ABCD2: variants seen among roughly 807,000 people sequenced by gnomAD.
ABCD2 encodes the protein ATP-binding cassette sub-family D member 2.
In ABCD2, 36 loss-of-function variants were observed where a neutral mutation model predicts 70.9. The observed-to-expected ratio is 0.51, with a 90% CI of 0.39 to 0.67. The LOEUF (loss-of-function observed/expected upper bound fraction) is 0.67. Ranked by LOEUF, ABCD2 falls within the 30% of genes least tolerant of loss-of-function variation. The pLI is 0.00. For missense variants in ABCD2, 729 were observed against 890.2 expected (o/e 0.82, Z 2.30); for synonymous variants, 304 against 306.9 (o/e 0.99, Z 0.10).
At position 39,619,321 on chromosome 12, in the gene ABCD2, G is replaced by A. The variant is rs1393194038; in HGVS notation, c.295C>T (p.Leu99Phe). 1.2e-6 allele frequency: 2 copies of A among 1,614,110 alleles called. No individual in the cohort carries two copies. Among genetic ancestry groups the A allele is most frequent in the Admixed American group, 1.7e-5 (1 of 60,022 alleles). ...AGCCACCCTGTTTCAGTGGTCACAA[G>A]TTTTGGAAACAAAATTTTCCGAAGT... ...LELRKILFPKLVTTETGWLCL... is the reference protein window; with the variant it reads ...LELRKILFPKFVTTETGWLCL... Residue 99 changes from leucine to phenylalanine, a missense_variant, in exon 1 of 10, where the codon CTT (leucine) becomes TTT (phenylalanine). Physicochemically the swap from Leu to Phe is conservative, Grantham distance 22. Around this residue, in one of 3 missense-constraint regions of ABCD2, gnomAD observed 245 missense variants for 261.2 expected, o/e 0.94. Coordinates refer to ENST00000308666, the MANE Select transcript of ABCD2 (RefSeq NM_005164.4).
Position 39,619,563 on chromosome 12 carries a change from C to A in ABCD2, c.53G>T (p.Ser18Ile). The A allele has an allele frequency of 6.2e-7, 1 of 1,611,186 alleles. No individual in the cohort carries two copies. The highest frequency in any genetic ancestry group is 8.5e-7 in the Non-Finnish European group (1 of 1,179,992). Residue 18 changes from serine (S) to isoleucine (I), a missense_variant, in exon 1 of 10, where the codon AGT becomes ATT. Ser to Ile is a moderately radical substitution (Grantham distance 142, BLOSUM62 -2). Around this residue, in one of 3 missense-constraint regions of ABCD2, gnomAD observed 245 missense variants for 261.2 expected, o/e 0.94. Coordinates refer to ENST00000308666, the MANE Select transcript of ABCD2 (RefSeq NM_005164.4). ...CAGGCAGGCAGCCCTCTTAGCAGCA[C>A]TCGATCTGGTCCATTTCACTCGATC... ...AADRVKWTRS[S>I]AAKRAACLVA...
chr12:39,598,224 T>C (rs1941846099), intron 6 of ABCD2, among the ~76,000 whole-genome samples: 1 of 152,194 alleles, frequency 6.6e-6, no homozygotes, highest in Admixed American at 6.5e-5. Context: ...AGATTCATCC[T>C]CTACCCAGAA....
intron 9 of ABCD2, among the ~76,000 whole-genome samples, chr12:39,564,763 G>A (rs1439177684): frequency 6.6e-6 from 1 of 152,118 alleles, no homozygotes; most frequent in Non-Finnish European, 1.5e-5. Flanking sequence ...ATGGTTTTAG[G>A]TCTAACATTT....
chr12:39,565,840 G>T (rs138266471), intron 9 of ABCD2, among the ~76,000 whole-genome samples: 142 of 152,208 alleles, frequency 9.3e-4, no homozygotes, highest in African/African-American at 3.3e-3. Flanking sequence ...TAGCATGAAG[G>T]GTTGTTGAAT....
rs1941604780 is a variant in ABCD2 at position 39,582,162 on chromosome 12, T to G, written c.1793-2543A>C. On this transcript the variant is annotated intron_variant, in intron 7 of 9. Transcript: ENST00000308666. ...GCAAGTAAAACAGGTTTCCCTGAAG[T>G]TTTTTTTTATGTGCAAGGATATAAT... Among the ~76,000 whole-genome samples the G allele has an allele frequency of 2.6e-5, 4 of 151,298 alleles. No homozygotes were observed. The South Asian group carries it at 8.4e-4, about 32-fold the overall frequency.
chr12:39,567,991 A>T (rs1941383120), intron 9 of ABCD2, among the ~76,000 whole-genome samples: 1 of 151,776 alleles, frequency 6.6e-6, no homozygotes, highest in South Asian at 2.1e-4. Flanking sequence ...CTGCTGATAG[A>T]TCAGCTGTTA....
At chr12:39,596,368 T>TA (rs1941814658) in intron 6 of ABCD2, among the ~76,000 whole-genome samples, 1 of 152,178 alleles carries the variant, frequency 6.6e-6, no homozygotes, top group Non-Finnish European at 1.5e-5. Context: ...AACTAAATGA[T>TA]ACATAAACAT....
intron 3 of ABCD2, among the ~76,000 whole-genome samples, chr12:39,607,195 AC>A: frequency 6.6e-6 from 1 of 152,262 alleles, no homozygotes; most frequent in East Asian, 1.9e-4. Flanking sequence ...ACTCACAACA[AC>A]CCCACAAGTC....
intron 2 of ABCD2, among the ~76,000 whole-genome samples, chr12:39,609,779 A>T (rs1007660331): frequency 2.6e-5 from 4 of 152,220 alleles, no homozygotes; most frequent in Non-Finnish European, 5.9e-5. Context: ...TTTTTTGCAC[A>T]TAGACAGCTC....
chr12:39,559,039 G>A (rs918011375), intron 9 of ABCD2, among the ~76,000 whole-genome samples: 7 of 152,084 alleles, frequency 4.6e-5, no homozygotes, highest in African/African-American at 1.7e-4. Context: ...GAATGAAAAG[G>A]AATGAAGAAA....
chr12:39,611,959 G>A (rs1942050438), intron 2 of ABCD2, among the ~76,000 whole-genome samples: 1 of 151,990 alleles, frequency 6.6e-6, no homozygotes, highest in Admixed American at 6.6e-5. Context: ...TCATAACAAA[G>A]GCTATCCAAA....
intron 9 of ABCD2, among the ~76,000 whole-genome samples, chr12:39,560,039 C>A (rs1230945877): frequency 6.6e-6 from 1 of 152,014 alleles, no homozygotes; most frequent in Non-Finnish European, 1.5e-5. Context: ...ACTTTAAGTT[C>A]TAGGGTACAT....
intron 9 of ABCD2, among the ~76,000 whole-genome samples, chr12:39,569,478 C>T (rs971721491): frequency 1.1e-4 from 16 of 152,176 alleles, no homozygotes; most frequent in African/African-American, 1.7e-4. Context: ...GTTGGAAAAG[C>T]GCAGTATTAG....
chr12:39,595,079 GAAAA>G (rs1941798512), intron 6 of ABCD2, among the ~76,000 whole-genome samples: 1 of 151,890 alleles, frequency 6.6e-6, no homozygotes, highest in Non-Finnish European at 1.5e-5. Flanking sequence ...AAAAGAAAAA[GAAAA>G]AAGAAGATAG....
intron 5 of ABCD2, among the ~76,000 whole-genome samples, chr12:39,603,250 C>T (rs1349131590): frequency 6.6e-6 from 1 of 152,048 alleles, no homozygotes; most frequent in East Asian, 1.9e-4. Context: ...GCTCAACTTG[C>T]TATATTATGT....
At chr12:39,533,977 T>C in the ABCD2 span, among the ~76,000 whole-genome samples, 1 of 152,240 alleles carries the variant, frequency 6.6e-6, no homozygotes, top group African/African-American at 2.4e-5. Flanking sequence ...TGCATGTGAA[T>C]AGTGTGCTTT....
At chr12:39,584,248 G>A (rs1318423130) in intron 7 of ABCD2, among the ~76,000 whole-genome samples, 1 of 152,036 alleles carries the variant, frequency 6.6e-6, no homozygotes, top group East Asian at 1.9e-4. Flanking sequence ...TGGTTTTGAT[G>A]TGCATTTCTC....
chr12:39,575,419 A>G (rs921048956), intron 8 of ABCD2, among the ~76,000 whole-genome samples: 1 of 152,188 alleles, frequency 6.6e-6, no homozygotes, highest in East Asian at 1.9e-4. Context: ...CGATACTGAT[A>G]TAAGAAAAAA....
chr12:39,550,429 C>T lies in ABCD2; in HGVS notation c.*3483G>A, dbSNP rs1172440459. 6.6e-6 allele frequency: 1 copy of T among 151,602 alleles called. No homozygotes were observed. The highest frequency in any genetic ancestry group is 2.4e-5 in the African/African-American group (1 of 41,394). The allele number at this position is 151,602 out of a possible 1,614,324, so 9.4% of individuals were successfully genotyped here. ...TCATTTAGCTACATAATGATTTTTA[C>T]CTTTAAGGACATTTTTCTCATTCAT... On this transcript the variant is annotated 3_prime_UTR_variant, in exon 10 of 10. Coordinates refer to ENST00000308666, the MANE Select transcript of ABCD2 (RefSeq NM_005164.4).
Sources: gnomAD v4.1 joint callset for allele counts (sites outside exome capture counted in the v4.1 genomes callset) on GRCh38, gnomAD v4.1.1 for gene constraint, gnomAD v4.1.1 regional missense constraint, MANE v1.5 for transcripts, NCBI Gene and HGNC (gene_info 2026-07-23, HGNC 2026-07-21) for gene names.